The following AGTPBP1 variants were observed in gnomAD, a reference collection of about 807,000 sequenced individuals.
The protein encoded by AGTPBP1 is ATP/GTP binding carboxypeptidase 1, also known as cytosolic carboxypeptidase 1.
A neutral mutation model predicts 143.9 loss-of-function variants in AGTPBP1; 70 were observed. That is an observed-to-expected ratio of 0.49 (90% CI 0.40 to 0.59). The LOEUF is 0.59. AGTPBP1 is among the 20% of genes least tolerant of loss of function. The pLI, the probability that AGTPBP1 is intolerant of heterozygous loss-of-function variation, is 0.00. For missense variants in AGTPBP1, 1,229 were observed against 1,464.5 expected (o/e 0.84, Z 2.62); for synonymous variants, 463 against 500.2 (o/e 0.93, Z 0.99).
chr9:85,587,621 A>G (rs932441944), intron 21 of AGTPBP1, among the ~76,000 whole-genome samples: 5 of 152,200 alleles, frequency 3.3e-5, no homozygotes, highest in African/African-American at 1.2e-4. Context: ...AAAATTCAGT[A>G]ATTTCCTAAA....
At chr9:85,673,595 A>AT (rs746643860) in intron 6 of AGTPBP1, among the ~76,000 whole-genome samples, 4 of 152,284 alleles carry the variant, frequency 2.6e-5, no homozygotes, top group Non-Finnish European at 4.4e-5. Context: ...AGTAAAAAAA[A>AT]TTTTAAATAA....
chr9:85,655,442 A>G (rs1009040883), intron 10 of AGTPBP1, 122 bp from the exon 11 acceptor site: 11 of 822,058 alleles, frequency 1.3e-5, no homozygotes, highest in Non-Finnish European at 2.0e-5. Flanking sequence ...TCAAAAACCA[A>G]TATTTTAACA....
intron 2 of AGTPBP1, among the ~76,000 whole-genome samples, 191 bp from the exon 3 acceptor site, chr9:85,693,004 A>G (rs1338563782): frequency 6.6e-6 from 1 of 152,230 alleles, no homozygotes; most frequent in Non-Finnish European, 1.5e-5. Context: ...TACTGACTTA[A>G]GTGAGAAACA....
chr9:85,724,904 C>T lies in AGTPBP1; in HGVS notation c.-33-12338G>A, dbSNP rs369492743. ...TCTTTTGAAAAAAAATTTTACTACA[C>T]AAACAAGCAAGAAAGTCTTCATTTT... On this transcript the variant is annotated intron_variant, in intron 1 of 25. Transcript: ENST00000357081. 1.8e-4 allele frequency among the ~76,000 whole-genome samples: 27 copies of T among 152,256 alleles called. No homozygotes were observed. In the East Asian group the frequency reaches 4.2e-3, roughly 24 times the overall value.
chr9:85,723,572 T>C (rs918300043), intron 1 of AGTPBP1, among the ~76,000 whole-genome samples: 1 of 152,170 alleles, frequency 6.6e-6, no homozygotes, highest in African/African-American at 2.4e-5. Flanking sequence ...TGGGCAGGAA[T>C]GTACCGTTCC....
intron 1 of AGTPBP1, among the ~76,000 whole-genome samples, chr9:85,726,652 T>G (rs886618522): frequency 2.0e-5 from 3 of 152,260 alleles, no homozygotes; most frequent in African/African-American, 7.2e-5. Context: ...TACCATTTTG[T>G]GTTGTCTGTG....
chr9:85,702,739 T>C (rs1836750437), intron 2 of AGTPBP1, among the ~76,000 whole-genome samples: 1 of 152,096 alleles, frequency 6.6e-6, no homozygotes, highest in Non-Finnish European at 1.5e-5. Context: ...TATAAGCTCC[T>C]ATAAAAAGAT....
chr9:85,772,262 C>A, the AGTPBP1 span, among the ~76,000 whole-genome samples: 1 of 152,170 alleles, frequency 6.6e-6, no homozygotes, highest in Non-Finnish European at 1.5e-5. Context: ...GTGTGAGCCA[C>A]CGTGCCTGGC....
the AGTPBP1 span, among the ~76,000 whole-genome samples, chr9:85,747,931 T>C: frequency 4.6e-5 from 7 of 152,196 alleles, no homozygotes; most frequent in Non-Finnish European, 1.0e-4. Flanking sequence ...TTTTTCTTAT[T>C]TTCAACTTTT....
At chr9:85,609,102 AGT>A (rs780650843) in intron 17 of AGTPBP1, among the ~76,000 whole-genome samples, 6 of 152,146 alleles carry the variant, frequency 3.9e-5, no homozygotes, top group Non-Finnish European at 7.4e-5. Flanking sequence ...AATCTCATGG[AGT>A]GTATGTGTGT....
At chr9:85,722,190 G>GT (rs751473786) in intron 1 of AGTPBP1, among the ~76,000 whole-genome samples, 11 of 152,122 alleles carry the variant, frequency 7.2e-5, no homozygotes, top group Non-Finnish European at 1.5e-4. Context: ...GTTGTTCTCT[G>GT]TATTTCCTGA....
intron 25 of AGTPBP1, among the ~76,000 whole-genome samples, chr9:85,572,976 G>A (rs997842281): frequency 6.6e-6 from 1 of 152,114 alleles, no homozygotes; most frequent in African/African-American, 2.4e-5. Flanking sequence ...CAAAAATCAT[G>A]AAGGTTCTAT....
At chr9:85,635,873 T>C (rs1355373007) in intron 13 of AGTPBP1, among the ~76,000 whole-genome samples, 1 of 151,576 alleles carries the variant, frequency 6.6e-6, no homozygotes, top group Non-Finnish European at 1.5e-5. Flanking sequence ...CTGTCTTAAA[T>C]TTTAAACCTT....
At chr9:85,795,944 T>C in the AGTPBP1 span, among the ~76,000 whole-genome samples, 164 of 140,326 alleles carry the variant, frequency 1.2e-3, no homozygotes, top group African/African-American at 4.2e-3. Flanking sequence ...CTATATGCAA[T>C]GACCTTGGAA....
intron 6 of AGTPBP1, among the ~76,000 whole-genome samples, chr9:85,675,627 C>T (rs1202783142): frequency 1.3e-5 from 2 of 152,180 alleles, no homozygotes; most frequent in Non-Finnish European, 2.9e-5. Flanking sequence ...ACACACACTC[C>T]AAGACACACT....
intron 17 of AGTPBP1, among the ~76,000 whole-genome samples, chr9:85,615,864 T>G (rs1418822623): frequency 1.3e-5 from 2 of 151,920 alleles, no homozygotes; most frequent in African/African-American, 2.4e-5. Context: ...CTCGGCAATA[T>G]TTAAAATAGA....
At chr9:85,601,631 T>A (rs970273938) in intron 17 of AGTPBP1, among the ~76,000 whole-genome samples, 1 of 152,174 alleles carries the variant, frequency 6.6e-6, no homozygotes, top group African/African-American at 2.4e-5. Flanking sequence ...CCACTGATCC[T>A]CTCATTGCTC....
At chr9:85,619,386 A>C (rs1187957670) in intron 15 of AGTPBP1, 85 bp from the exon 16 acceptor site, 1 of 931,092 alleles carries the variant, frequency 1.1e-6, no homozygotes, top group African/African-American at 1.7e-5. Context: ...ATAATTAAAA[A>C]TACATCACTA....
At chr9:85,590,311 C>T (rs986010950) in intron 19 of AGTPBP1, among the ~76,000 whole-genome samples, 1 of 151,946 alleles carries the variant, frequency 6.6e-6, no homozygotes, top group African/African-American at 2.4e-5. Context: ...TGATTACAGA[C>T]TTTTATAATT....
Sources: gnomAD v4.1 joint callset for allele counts (sites outside exome capture counted in the v4.1 genomes callset) on GRCh38, gnomAD v4.1.1 for gene constraint, MANE v1.5 for transcripts, NCBI Gene and HGNC (gene_info 2026-07-23, HGNC 2026-07-21) for gene names.